TRAPPC9: variants seen among roughly 807,000 people sequenced by gnomAD.
TRAPPC9 encodes IKK2 binding protein.
A neutral mutation model predicts 124.0 loss-of-function variants in TRAPPC9; 83 were observed. That is an observed-to-expected ratio of 0.67 (90% CI 0.56 to 0.80). The LOEUF (loss-of-function observed/expected upper bound fraction) is 0.80. Among genes scored for constraint, TRAPPC9 ranks in the 30% least tolerant of loss-of-function variants. The pLI, the probability that TRAPPC9 is intolerant of heterozygous loss-of-function variation, is 0.00. For synonymous variants in TRAPPC9, 638 were observed against 617.5 expected, an observed-to-expected ratio of 1.03 and a Z score of -0.49; for missense variants, 1,302 against 1,508.3, an observed-to-expected ratio of 0.86 and a Z score of 2.27.
intron 19 of TRAPPC9, among the ~76,000 whole-genome samples, chr8:139,915,255 A>AT (rs1029448528): frequency 4.0e-5 from 6 of 150,988 alleles, no homozygotes; most frequent in Non-Finnish European, 7.4e-5. Context: ...TATTATTTTG[A>AT]TTTTTTTTTG....
At chr8:140,002,031 A>G (rs1474636073) in intron 18 of TRAPPC9, among the ~76,000 whole-genome samples, 2 of 152,242 alleles carry the variant, frequency 1.3e-5, no homozygotes, top group Non-Finnish European at 2.9e-5. Context: ...AAGCATTTCA[A>G]AAAGAAATAA....
intron 21 of TRAPPC9, among the ~76,000 whole-genome samples, chr8:139,740,215 T>A (rs374354382): frequency 1.3e-5 from 2 of 152,236 alleles, no homozygotes; most frequent in South Asian, 4.1e-4. Context: ...TTCCCTCCTG[T>A]CCCTGGCCCT....
At chr8:139,774,813 G>A (rs1821246007) in intron 21 of TRAPPC9, among the ~76,000 whole-genome samples, 1 of 152,234 alleles carries the variant, frequency 6.6e-6, no homozygotes, top group Non-Finnish European at 1.5e-5. Context: ...AAGGGGCAGA[G>A]CTAGGAACCA....
At chr8:140,183,933 AGAGGAGAGGAGAGGAGAGGG>A (rs2062277581) in intron 17 of TRAPPC9, among the ~76,000 whole-genome samples, 2 of 27,982 alleles carry the variant, frequency 7.1e-5, no homozygotes, top group Non-Finnish European at 1.6e-4. Context: ...AGAGGAGAGG[AGAGGAGAGGAGAGGAGAGGG>A]GAGGGGAGGG....
At chr8:139,805,454 G>A (rs1211735486) in intron 21 of TRAPPC9, among the ~76,000 whole-genome samples, 1 of 152,326 alleles carries the variant, frequency 6.6e-6, no homozygotes, top group African/African-American at 2.4e-5. Flanking sequence ...GTGCACTCAG[G>A]CTAAGACATT....
intron 14 of TRAPPC9, among the ~76,000 whole-genome samples, chr8:140,279,929 G>A (rs1017498845): frequency 2.0e-5 from 3 of 152,198 alleles, no homozygotes; most frequent in African/African-American, 7.2e-5. Context: ...TGCCCTTAGC[G>A]TTTCTTCGCC....
rs569775364 is a variant in TRAPPC9, at chr8:139,990,286, C to A, written c.2700-1450G>T. On this transcript the variant is annotated intron_variant, in intron 18 of 22. Coordinates refer to ENST00000438773, the MANE Select transcript of TRAPPC9 (RefSeq NM_001160372.4). Reference sequence around the variant, plus strand: ...GGAGGCTCAGGAGAGGACAGCCATGCTGCTGTGATGCCCGAGGCCCTGGAT... The same window carrying A: ...GGAGGCTCAGGAGAGGACAGCCATGATGCTGTGATGCCCGAGGCCCTGGAT... Among the ~76,000 whole-genome samples the A allele has an allele frequency of 3.9e-5, 6 of 152,336 alleles. No individual in the cohort carries two copies. In the East Asian group the frequency reaches 1.2e-3, roughly 29 times the overall value.
At chr8:140,001,653 A>G (rs1838411096) in intron 18 of TRAPPC9, among the ~76,000 whole-genome samples, 1 of 152,222 alleles carries the variant, frequency 6.6e-6, no homozygotes, top group Non-Finnish European at 1.5e-5. Flanking sequence ...CATTAGAAGG[A>G]CAATAAGGAA....
chr8:140,009,974 G>A (rs889097513), intron 18 of TRAPPC9, among the ~76,000 whole-genome samples: 6 of 152,120 alleles, frequency 3.9e-5, no homozygotes, highest in Admixed American at 1.3e-4. Flanking sequence ...GTGAGGCTGC[G>A]GGGAACCAGG....
chr8:140,124,719 G>GAGGGGAGGACCCTCCT (rs1563779238), intron 17 of TRAPPC9, among the ~76,000 whole-genome samples: 1 of 59,742 alleles, frequency 1.7e-5, no homozygotes, highest in African/African-American at 6.6e-5. Flanking sequence ...AGGACCCTCC[G>GAGGGGAGGACCCTCCT]AGGGGAGGAC....
chr8:139,849,018 CT>C (rs1379494354), intron 21 of TRAPPC9, among the ~76,000 whole-genome samples: 2 of 152,238 alleles, frequency 1.3e-5, no homozygotes, highest in African/African-American at 4.8e-5. Flanking sequence ...TCCCGGCCCC[CT>C]GATTCTGCCT....
intron 21 of TRAPPC9, among the ~76,000 whole-genome samples, chr8:139,777,137 A>G (rs1337039561): frequency 6.6e-6 from 1 of 152,180 alleles, no homozygotes. Context: ...TGTTTTCTCT[A>G]CCGCATGGTC....
At chr8:140,383,816 C>T (rs2068680259) in intron 7 of TRAPPC9, among the ~76,000 whole-genome samples, 1 of 152,186 alleles carries the variant, frequency 6.6e-6, no homozygotes, top group African/African-American at 2.4e-5. Flanking sequence ...CAGAGAACAC[C>T]ACAAAGATAC....
At chr8:139,783,905 A>C (rs1320442013) in intron 21 of TRAPPC9, among the ~76,000 whole-genome samples, 1 of 152,232 alleles carries the variant, frequency 6.6e-6, no homozygotes, top group African/African-American at 2.4e-5. Flanking sequence ...TGATCATCTT[A>C]ATGGTTGCAG....
Position 139,901,002 on chromosome 8 carries a change from A to AAATAAATAAAT in TRAPPC9, c.2964+9144_2964+9145insATTTATTTATT, listed in dbSNP as rs57260430. On this transcript the variant is annotated intron_variant, in intron 20 of 22. Transcript: ENST00000438773. ...TAAATAAATAAATAAATAAATAAATAAAATAAATAAATAAATAAAAATAAA... is the reference window on the plus strand; with the variant it reads ...TAAATAAATAAATAAATAAATAAATAAATAAATAAATAAATAAATAAATAAATAAAAATAAA... Among the ~76,000 whole-genome samples the AAATAAATAAAT allele has an allele frequency of 8.6e-3, 1,067 of 124,500 alleles. 8 individuals carry two copies. Among genetic ancestry groups the AAATAAATAAAT allele is most frequent in the East Asian group, 0.019 (92 of 4,964 alleles). The allele number at this position is 124,500 out of a possible 152,430, so 81.7% of individuals were successfully genotyped here. A position where few individuals can be genotyped will look rare whatever the true frequency, so the allele number is the denominator to read the frequency against.
chr8:140,159,481 C>T (rs1402947081), intron 17 of TRAPPC9, among the ~76,000 whole-genome samples: 1 of 152,222 alleles, frequency 6.6e-6, no homozygotes, highest in East Asian at 1.9e-4. Context: ...GGTCTGCCAC[C>T]TACCTACCTC....
intron 21 of TRAPPC9, among the ~76,000 whole-genome samples, chr8:139,839,020 C>T (rs531051733): frequency 6.6e-6 from 1 of 152,316 alleles, no homozygotes; most frequent in Admixed American, 6.5e-5. Flanking sequence ...AGGGAAGGCC[C>T]TATTTAGAAG....
chr8:140,226,056 T>C lies in TRAPPC9; in HGVS notation c.2432-4473A>G, dbSNP rs185410490. Reference sequence around the variant, plus strand: ...AAGCAGAGTGAACATCTGGCTTTTGTCTGCCCAGCATTTCTCGTTTCTTTG... The same window carrying C: ...AAGCAGAGTGAACATCTGGCTTTTGCCTGCCCAGCATTTCTCGTTTCTTTG... On this transcript the variant is annotated intron_variant, in intron 16 of 22. Coordinates refer to ENST00000438773, the MANE Select transcript of TRAPPC9 (RefSeq NM_001160372.4). 2.0e-3 allele frequency among the ~76,000 whole-genome samples: 310 copies of C among 152,334 alleles called. 2 individuals carry two copies. Among genetic ancestry groups the C allele is most frequent in the African/African-American group, 7.3e-3 (302 of 41,576 alleles).
chr8:140,442,859 G>T (rs2071073130), intron 2 of TRAPPC9, among the ~76,000 whole-genome samples: 1 of 151,978 alleles, frequency 6.6e-6, no homozygotes, highest in Non-Finnish European at 1.5e-5. Context: ...TTTGGGCCTG[G>T]CGAGGTGGCT....
Sources: gnomAD v4.1 joint callset for allele counts (sites outside exome capture counted in the v4.1 genomes callset) on GRCh38, gnomAD v4.1.1 for gene constraint, MANE v1.5 for transcripts, NCBI Gene and HGNC (gene_info 2026-07-23, HGNC 2026-07-21) for gene names.